The following MDGA2 variants were observed in gnomAD, a reference collection of about 807,000 sequenced individuals.
MDGA2 encodes MAM domain containing glycosylphosphatidylinositol anchor 2.
A neutral mutation model predicts 117.8 loss-of-function variants in MDGA2; 40 were observed. The ratio of observed to expected loss-of-function variants is 0.34; its 90% CI spans 0.26 to 0.44. The LOEUF (loss-of-function observed/expected upper bound fraction) is 0.44. MDGA2 is among the 20% of genes least tolerant of loss of function. MDGA2 has a pLI of 1.00. For synonymous variants in MDGA2, 452 were observed against 439.0 expected, an observed-to-expected ratio of 1.03 and a Z score of -0.37; for missense variants, 1,123 against 1,250.6, an observed-to-expected ratio of 0.90 and a Z score of 1.54.
chr14:46,990,845 T>C (rs531170324), intron 8 of MDGA2, among the ~76,000 whole-genome samples: 8 of 145,082 alleles, frequency 5.5e-5, no homozygotes, highest in Non-Finnish European at 1.1e-4. Context: ...TAATCATATA[T>C]GGATTAGAAC....
chr14:47,254,295 G>T (rs745560804), intron 2 of MDGA2, among the ~76,000 whole-genome samples: 2 of 152,138 alleles, frequency 1.3e-5, no homozygotes, highest in Non-Finnish European at 2.9e-5. Flanking sequence ...TTGTCAGGGT[G>T]CAAATTTTCC....
chr14:47,540,863 C>T (rs913883377), intron 1 of MDGA2, among the ~76,000 whole-genome samples: 2 of 152,042 alleles, frequency 1.3e-5, no homozygotes, highest in African/African-American at 2.4e-5. Flanking sequence ...CTACACCCAA[C>T]CACACTATAT....
chr14:47,291,688 A>G (rs1437441957), intron 2 of MDGA2, among the ~76,000 whole-genome samples: 2 of 152,202 alleles, frequency 1.3e-5, no homozygotes, highest in African/African-American at 4.8e-5. Flanking sequence ...CTGCCACTGC[A>G]CCTCATCACA....
At chr14:47,672,221 G>A (rs1024807409) in intron 1 of MDGA2, among the ~76,000 whole-genome samples, 19 of 152,160 alleles carry the variant, frequency 1.2e-4, no homozygotes, top group African/African-American at 4.3e-4. Flanking sequence ...ATTTATAATG[G>A]CCAGGAATAC....
chr14:47,157,772 G>A (rs759229194), intron 3 of MDGA2, among the ~76,000 whole-genome samples: 2 of 151,906 alleles, frequency 1.3e-5, no homozygotes, highest in Admixed American at 6.6e-5. Context: ...CGCTATTCTC[G>A]TGATAATAAG....
At chr14:47,343,104 T>C in intron 1 of MDGA2, 1 of 1,252,554 alleles carries the variant, frequency 8.0e-7, no homozygotes, top group Non-Finnish European at 1.0e-6. Flanking sequence ...TCACCTTGAA[T>C]AACCAGATGC....
intron 16 of MDGA2, among the ~76,000 whole-genome samples, chr14:46,843,863 A>C (rs957676267): frequency 3.3e-5 from 5 of 152,190 alleles, no homozygotes. Context: ...ATTGATGAGT[A>C]ATTTGTGTAA....
intron 1 of MDGA2, among the ~76,000 whole-genome samples, chr14:47,667,817 A>G (rs1898002938): frequency 1.3e-5 from 2 of 152,162 alleles, no homozygotes; most frequent in Non-Finnish European, 2.9e-5. Context: ...ACAACAAAAC[A>G]AGACAAAAAA....
chr14:47,608,451 G>A (rs916421058), intron 1 of MDGA2, among the ~76,000 whole-genome samples: 6 of 152,046 alleles, frequency 3.9e-5, no homozygotes, highest in African/African-American at 7.2e-5. Flanking sequence ...AGTGAGGCTC[G>A]TAGGGAAGAA....
chr14:47,609,767 C>G (rs1187360419), intron 1 of MDGA2, among the ~76,000 whole-genome samples: 2 of 151,692 alleles, frequency 1.3e-5, no homozygotes, highest in Non-Finnish European at 2.9e-5. Flanking sequence ...GATGGATTCA[C>G]AGCAGAATTC....
At chr14:47,011,350 G>C (rs918571634) in intron 8 of MDGA2, among the ~76,000 whole-genome samples, 4 of 151,934 alleles carry the variant, frequency 2.6e-5, no homozygotes, top group Non-Finnish European at 5.9e-5. Flanking sequence ...TATTTTCTAT[G>C]TGAATGCATG....
At chr14:47,457,776 G>A (rs1288566091) in intron 1 of MDGA2, among the ~76,000 whole-genome samples, 1 of 147,548 alleles carries the variant, frequency 6.8e-6, no homozygotes. Context: ...TTTTATTAAT[G>A]ATTTTCCTTC....
rs1894778116 is a variant in MDGA2, at chr14:47,517,475, TTCA to T, written c.280+157039_280+157041del. ...ACTTCCAAAAATACTATTTTTAATC[TTCA>T]TTTTAAAAAAGCAATATGCAAATCA... On this transcript the variant is annotated intron_variant, in intron 1 of 16. Coordinates refer to ENST00000399232, the MANE Select transcript of MDGA2 (RefSeq NM_001113498.3). Among the ~76,000 whole-genome samples the T allele has an allele frequency of 2.0e-5, 3 of 152,250 alleles. 1 individual carries two copies. The South Asian group carries it at 6.2e-4, about 32-fold the overall frequency.
intron 10 of MDGA2, among the ~76,000 whole-genome samples, chr14:46,915,039 T>C (rs751547236): frequency 2.0e-5 from 3 of 152,182 alleles, no homozygotes; most frequent in Non-Finnish European, 4.4e-5. Context: ...GCCACATGCC[T>C]AACTCAGTGT....
intron 6 of MDGA2, among the ~76,000 whole-genome samples, chr14:47,066,358 T>C (rs1566603222): frequency 6.6e-6 from 1 of 152,244 alleles, no homozygotes; most frequent in Non-Finnish European, 1.5e-5. Flanking sequence ...TAAGTTCCTG[T>C]TAATTTTGAT....
intron 14 of MDGA2, among the ~76,000 whole-genome samples, chr14:46,859,099 T>A (rs967417589): frequency 6.6e-6 from 1 of 152,188 alleles, no homozygotes; most frequent in Admixed American, 6.5e-5. Flanking sequence ...TGAATCTTAC[T>A]GGGGCTTGCA....
At chr14:47,186,651 T>C (rs1336908644) in intron 3 of MDGA2, among the ~76,000 whole-genome samples, 2 of 151,918 alleles carry the variant, frequency 1.3e-5, no homozygotes, top group African/African-American at 4.8e-5. Context: ...TATTAAGTAA[T>C]TGAGCTGATT....
chr14:47,379,837 T>C (rs1891571281), intron 1 of MDGA2, among the ~76,000 whole-genome samples: 1 of 152,008 alleles, frequency 6.6e-6, no homozygotes, highest in Non-Finnish European at 1.5e-5. Flanking sequence ...CACAAGGATA[T>C]CCAGGAACTG....
intron 16 of MDGA2, 126 bp downstream of exon 16, chr14:46,845,640 A>G (rs1880804701): frequency 1.7e-6 from 1 of 577,320 alleles, no homozygotes; most frequent in Non-Finnish European, 3.0e-6. Flanking sequence ...GGTATTACAT[A>G]TAAGAAATTT....
Sources: gnomAD v4.1 joint callset for allele counts (sites outside exome capture counted in the v4.1 genomes callset) on GRCh38, gnomAD v4.1.1 for gene constraint, MANE v1.5 for transcripts, NCBI Gene and HGNC (gene_info 2026-07-23, HGNC 2026-07-21) for gene names.